Variants in CCNI2 observed in about 807,000 individuals in gnomAD.
CCNI2 encodes the protein cyclin I family member 2, also known as cyclin-I2.
Under a neutral mutation model 33.2 loss-of-function variants are expected in CCNI2, and 32 were observed. That is an observed-to-expected ratio of 0.96 (90% CI 0.73 to 1.30). The LOEUF is 1.30. Ranked by LOEUF, CCNI2 falls within the 50% of genes most tolerant of loss-of-function variation. CCNI2 has a pLI of 0.00. For missense variants in CCNI2, 452 were observed against 486.2 expected, an observed-to-expected ratio of 0.93 and a Z score of 0.66; for synonymous variants, 231 against 219.9, an observed-to-expected ratio of 1.05 and a Z score of -0.45.
chr5:132,756,025 A>G (rs1179907946), downstream of CCNI2: 1 of 985,298 alleles, frequency 1.0e-6, no homozygotes, highest in Non-Finnish European at 1.2e-6. Flanking sequence ...GCAAAATTTA[A>G]TGAAAAAAAT....
intron 2 of CCNI2, among the ~76,000 whole-genome samples, 164 bp downstream of exon 2, chr5:132,748,639 A>G (rs527466520): frequency 1.3e-5 from 2 of 152,266 alleles, no homozygotes; most frequent in African/African-American, 4.8e-5. Context: ...TCCACATCCT[A>G]CACTGGCTGT....
At position 132,753,554 on chromosome 5, in the gene CCNI2, C is replaced by G. The variant is rs1755047186; in HGVS notation, c.*584C>G. On this transcript the variant is annotated 3_prime_UTR_variant, in exon 6 of 6. Coordinates refer to ENST00000378731, the MANE Select transcript of CCNI2 (RefSeq NM_001039780.4). ...GACTTATGTCTTCCCTTTACAAGGACTGGATTATAAAGTATGCTTTGTTTA... is the reference window on the plus strand; with the variant it reads ...GACTTATGTCTTCCCTTTACAAGGAGTGGATTATAAAGTATGCTTTGTTTA... The G allele has an allele frequency of 6.5e-6, 1 of 153,582 alleles. No homozygotes were observed. Among genetic ancestry groups the G allele is most frequent in the African/African-American group, 2.4e-5 (1 of 41,462 alleles). 9.5% of individuals were successfully genotyped at this position (153,582 alleles called of 1,614,324 possible).
rs761957678 is a variant in CCNI2 at position 132,751,973 on chromosome 5, C to T, written c.782C>T (p.Ala261Val). The change falls in exon 5 of 6, where the codon GCC (alanine) becomes GTC (valine). Residue 261 changes from alanine to valine, a missense_variant. Coordinates refer to ENST00000378731, the MANE Select transcript of CCNI2 (RefSeq NM_001039780.4). ...TPLDFLTIFH[A>V]LVVLSWPHVL... The stretch of plus-strand genomic sequence containing the variant: ...AAAAACCATGGTCTCCAGTTCCATG[C>T]CCTGGTGGTCCTGAGCTGGCCCCAT... 1 of 1,610,418 alleles carries T rather than the reference C, an allele frequency of 6.2e-7. No homozygotes were observed. Among genetic ancestry groups the T allele is most frequent in the South Asian group, 1.1e-5 (1 of 89,794 alleles).
chr5:132,749,354 G>A lies in CCNI2; in HGVS notation c.565G>A (p.Glu189Lys), dbSNP rs754125940. ...TGTTTGTTCCATACTGCAGGTAAAA[G>A]AGAAATACCTGCATTGCGCCACAAT... ...GRLLISVKVK[E>K]KYLHCATITS... is the part of the protein sequence containing the mutation. The change falls in exon 3 of 6, where the codon GAG (glutamate) becomes AAG (lysine). Residue 189 changes from glutamate (E) to lysine (K), a missense_variant. Transcript: ENST00000378731. 1.1e-5 allele frequency: 18 copies of A among 1,613,120 alleles called. No homozygotes were observed. In the East Asian group the frequency reaches 4.0e-4, roughly 36 times the overall value.
At chr5:132,752,320 A>C in intron 5 of CCNI2, 124 bp downstream of exon 5, 1 of 1,166,546 alleles carries the variant, frequency 8.6e-7, no homozygotes, top group Non-Finnish European at 1.2e-6. Flanking sequence ...ATAACCCTGG[A>C]AAGAGTCTGC....
chr5:132,755,265 C>T (rs941874192), downstream of CCNI2, among the ~76,000 whole-genome samples: 1 of 152,200 alleles, frequency 6.6e-6, no homozygotes, highest in Non-Finnish European at 1.5e-5. Context: ...AACCCACATA[C>T]TTTTTATCAC....
intron 5 of CCNI2, 101 bp downstream of exon 5, chr5:132,752,297 A>T (rs760380394): frequency 2.2e-4 from 288 of 1,338,206 alleles, no homozygotes; most frequent in Non-Finnish European, 2.8e-4. Context: ...AGCCTCTGGA[A>T]AATGTTCTGG....
chr5:132,747,797 C>G lies in CCNI2; in HGVS notation c.302C>G (p.Pro101Arg). The G allele has an allele frequency of 1.4e-6, 2 of 1,478,114 alleles. No homozygotes were observed. Among genetic ancestry groups the G allele is most frequent in the Non-Finnish European group, 8.9e-7 (1 of 1,122,130 alleles). 91.6% of individuals were successfully genotyped at this position (1,478,114 alleles called of 1,614,324 possible). A position where few individuals can be genotyped will look rare whatever the true frequency, so the allele number is the denominator to read the frequency against. ...CCCGCCGCCGCCCCAGAGCAAGCTC[C>G]GCGGCCGGCTCCACAGTCCCGCAAG... is the stretch of plus-strand genomic sequence containing the variant. The part of the protein sequence containing the change: ...AVPAAAPEQA[P>R]RPAPQSRKPR... The change falls in exon 1 of 6, where the codon CCG (proline) becomes CGG (arginine). Residue 101 changes from proline to arginine, a missense_variant. Pro to Arg is a moderately radical substitution (Grantham distance 103). Transcript: ENST00000378731. This position sits in a 1 kb window ranked among gnomAD's most constrained non-coding sequence, Gnocchi z 4.1.
Position 132,753,027 on chromosome 5 carries a change from ACT to A in CCNI2, c.*58_*59del. On this transcript the variant is annotated 3_prime_UTR_variant, in exon 6 of 6. Transcript: ENST00000378731. ...CATAGTGTGAAACCTCCTTGCTTGG[ACT>A]ACCATGAGTTCTTTGGCTTGTTATG... The A allele has an allele frequency of 7.3e-7, 1 of 1,361,422 alleles. No individual in the cohort carries two copies. Among genetic ancestry groups the A allele is most frequent in the Non-Finnish European group, 1.0e-6 (1 of 952,758 alleles). 84.3% of individuals were successfully genotyped at this position (1,361,422 alleles called of 1,614,324 possible).
chr5:132,753,253 A>G lies in CCNI2; in HGVS notation c.*283A>G. 1 of 397,056 alleles carries G rather than the reference A, an allele frequency of 2.5e-6. No individual in the cohort carries two copies. Among genetic ancestry groups the G allele is most frequent in the Admixed American group, 3.7e-5 (1 of 27,066 alleles). 24.6% of individuals were successfully genotyped at this position (397,056 alleles called of 1,614,324 possible). On this transcript the variant is annotated 3_prime_UTR_variant, in exon 6 of 6. Coordinates refer to ENST00000378731, the MANE Select transcript of CCNI2 (RefSeq NM_001039780.4). ...CCAGGGAGTATGAATGAATGTTCAA[A>G]TGGCAGCTTGTTTTACCTTCCTTCT...
In CCNI2 at chr5:132,747,880, G is replaced by T. The variant is rs1249121034; in HGVS notation, c.385G>T (p.Ala129Ser). The T allele has an allele frequency of 5.6e-6, 8 of 1,423,534 alleles. No homozygotes were observed. Among genetic ancestry groups the T allele is most frequent in the Non-Finnish European group, 7.3e-6 (8 of 1,097,932 alleles). 88.2% of individuals were successfully genotyped at this position (1,423,534 alleles called of 1,614,324 possible). A position where few individuals can be genotyped will look rare whatever the true frequency, so the allele number is the denominator to read the frequency against. ...ERRLLCHLQL[A>S]QDREARLWRG... ...CCGGCTGCTCTGCCACTTGCAGCTGGCCCAGGACCGCGAGGCGCGCCTGTG... is the reference window on the plus strand; with the variant it reads ...CCGGCTGCTCTGCCACTTGCAGCTGTCCCAGGACCGCGAGGCGCGCCTGTG... The change falls in exon 1 of 6, where the codon GCC becomes TCC. Residue 129 changes from alanine to serine, a missense_variant. Coordinates refer to ENST00000378731, the MANE Select transcript of CCNI2 (RefSeq NM_001039780.4). The surrounding 1 kb of genome is among the most constrained non-coding windows in gnomAD (Gnocchi z 4.1).
intron 5 of CCNI2, 137 bp downstream of exon 5, chr5:132,752,333 A>G: frequency 9.4e-7 from 1 of 1,064,178 alleles, no homozygotes. Context: ...GAGTCTGCCC[A>G]AAGGCTAGGC....
rs776897282 is a variant in CCNI2 at position 132,750,909 on chromosome 5, C to T, written c.686C>T (p.Pro229Leu). ...AAGCACTATGGCTCTGACTATTCCC[C>T]GAATGAGCTGCTGAGGATGGAGCTG... is the stretch of plus-strand genomic sequence containing the variant. ...FTKHYGSDYS[P>L]NELLRMELAI... The change falls in exon 4 of 6, where the codon CCG becomes CTG. Residue 229 changes from proline to leucine, a missense_variant. Transcript: ENST00000378731. 10 of 1,614,102 alleles carry T rather than the reference C, an allele frequency of 6.2e-6. No homozygotes were observed. The highest frequency in any genetic ancestry group is 4.4e-5 in the South Asian group (4 of 91,094).
intron 4 of CCNI2, 64 bp downstream of exon 4, chr5:132,751,061 A>G: frequency 1.3e-6 from 2 of 1,581,952 alleles, no homozygotes; most frequent in South Asian, 2.3e-5. Flanking sequence ...ACAGCTGTTT[A>G]CAACATGGGA....
In CCNI2 at chr5:132,752,061, G is replaced by T; in HGVS notation, c.870G>T (p.Leu290=). 1 of 1,609,970 alleles carries T rather than the reference G, an allele frequency of 6.2e-7. No homozygotes were observed. The change falls in exon 5 of 6, where the codon CTG becomes CTT. Residue 290 remains leucine, a synonymous_variant. Transcript: ENST00000378731. The part of the protein sequence containing the change: ...SLHVASLTRQ[L]QHCMAGHQLL... ...ACGTCGCATCCCTGACCAGGCAGCT[G>T]CAGCACTGTATGGCGGGCCACCAGC... is the stretch of plus-strand genomic sequence containing the variant.
In CCNI2 at chr5:132,753,014, C is replaced by A. The variant is rs1754998428; in HGVS notation, c.*44C>A. The A allele has an allele frequency of 1.4e-6, 2 of 1,472,888 alleles. No individual in the cohort carries two copies. The highest frequency in any genetic ancestry group is 1.9e-6 in the Non-Finnish European group (2 of 1,053,076). 91.2% of individuals were successfully genotyped at this position (1,472,888 alleles called of 1,614,324 possible). ...GGGGCTTTCAGAGCATAGTGTGAAA[C>A]CTCCTTGCTTGGACTACCATGAGTT... On this transcript the variant is annotated 3_prime_UTR_variant, in exon 6 of 6. Transcript: ENST00000378731.
At chr5:132,749,456 C>CTT (rs771130928) in intron 3 of CCNI2, 34 bp downstream of exon 3, 1 of 1,548,814 alleles carries the variant, frequency 6.5e-7, no homozygotes, top group African/African-American at 1.4e-5. Context: ...CTGGGCTGCA[C>CTT]TTGAGGTATA....
chr5:132,754,433 T>C (rs1412253398), downstream of CCNI2: 3 of 717,420 alleles, frequency 4.2e-6, no homozygotes, highest in Non-Finnish European at 7.8e-6. Flanking sequence ...CATCCCAGGC[T>C]TTAGGGGAAC....
chr5:132,753,788 GA>G lies in CCNI2; in HGVS notation c.*819del, dbSNP rs1755067214. Reference sequence around the variant, plus strand: ...GCTCCAACCACAGTGCTGCCAGGAGGAGGAGCCGGCTGCCTCTCTCATGCTG... The same window carrying G: ...GCTCCAACCACAGTGCTGCCAGGAGGGGAGCCGGCTGCCTCTCTCATGCTG... On this transcript the variant is annotated 3_prime_UTR_variant, in exon 6 of 6. Coordinates refer to ENST00000378731, the MANE Select transcript of CCNI2 (RefSeq NM_001039780.4). The G allele has an allele frequency of 6.6e-6, 1 of 152,338 alleles. No homozygotes were observed. Among genetic ancestry groups the G allele is most frequent in the African/African-American group, 2.4e-5 (1 of 41,438 alleles). The allele number at this position is 152,338 out of a possible 1,614,324, so 9.4% of individuals were successfully genotyped here.
Sources: allele counts gnomAD v4.1 joint callset (sites outside exome capture counted in the v4.1 genomes callset), GRCh38; gene constraint gnomAD v4.1.1; non-coding constraint Gnocchi (gnomAD v3.1); transcripts MANE v1.5; gene names NCBI Gene and HGNC (gene_info 2026-07-23, HGNC 2026-07-21).